The following NIPAL2 variants were observed in gnomAD, a reference collection of about 807,000 sequenced individuals.
The protein encoded by NIPAL2 is NIPA like domain containing 2, also known as NIPA-like protein 2.
NIPAL2 carries 43 observed loss-of-function variants against 48.9 expected under a neutral mutation model. The ratio of observed to expected loss-of-function variants is 0.88; its 90% CI spans 0.69 to 1.13. The LOEUF (loss-of-function observed/expected upper bound fraction) is 1.13, where lower values mean the gene tolerates loss of function less well. Ranked by LOEUF, NIPAL2 falls within the 50% of genes most tolerant of loss-of-function variation. NIPAL2 has a pLI of 0.00. For synonymous variants in NIPAL2, 167 were observed against 174.6 expected, an observed-to-expected ratio of 0.96 and a Z score of 0.34; for missense variants, 446 against 461.4, an observed-to-expected ratio of 0.97 and a Z score of 0.31.
rs568464494 is a variant in NIPAL2, at chr8:98,242,488, A to ATTTTTTTTTTTTTTT, written c.377-6289_377-6275dup. On this transcript the variant is annotated intron_variant, in intron 3 of 10. Coordinates refer to ENST00000430223, the MANE Select transcript of NIPAL2 (RefSeq NM_001321635.2). ...AGGCAAAAGCCACTGCACCTGACAG[A>ATTTTTTTTTTTTTTT]TTTTTTTTTTTTTTTTTTTAACTGA... Among the ~76,000 whole-genome samples the ATTTTTTTTTTTTTTT allele has an allele frequency of 2.2e-3, 258 of 117,758 alleles. 11 individuals carry two copies. Among genetic ancestry groups the ATTTTTTTTTTTTTTT allele is most frequent in the African/African-American group, 8.3e-3 (252 of 30,304 alleles). 77.3% of individuals were successfully genotyped at this position (117,758 alleles called of 152,430 possible).
At chr8:98,239,081 A>T (rs1812859237) in intron 3 of NIPAL2, among the ~76,000 whole-genome samples, 1 of 152,220 alleles carries the variant, frequency 6.6e-6, no homozygotes, top group South Asian at 2.1e-4. Flanking sequence ...AATGTGTTCC[A>T]TTATAACAAT....
intron 5 of NIPAL2, 106 bp downstream of exon 5, chr8:98,222,373 A>G (rs776293342): frequency 2.5e-6 from 3 of 1,185,204 alleles, no homozygotes; most frequent in Non-Finnish European, 3.5e-6. Context: ...AGATTTTAAT[A>G]AGATATTAGT....
rs956152645 is a variant in NIPAL2 at position 98,294,205 on chromosome 8, G to C, written c.-68C>G. 36 of 1,222,030 alleles carry C rather than the reference G, an allele frequency of 2.9e-5. No homozygotes were observed. Among genetic ancestry groups the C allele is most frequent in the Non-Finnish European group, 3.6e-5 (35 of 981,084 alleles). The allele number at this position is 1,222,030 out of a possible 1,614,324, so 75.7% of individuals were successfully genotyped here. On this transcript the variant is annotated 5_prime_UTR_variant, in exon 1 of 11. Coordinates refer to ENST00000430223, the MANE Select transcript of NIPAL2 (RefSeq NM_001321635.2). ...CCGCCTCCCCGCCCTGTTGCACCGC[G>C]AGGAGGCCGCGCCGCAGCCACTTCC... is the stretch of plus-strand genomic sequence containing the variant.
chr8:98,208,985 G>A (rs1586310802), intron 6 of NIPAL2, among the ~76,000 whole-genome samples: 1 of 152,132 alleles, frequency 6.6e-6, no homozygotes, highest in Non-Finnish European at 1.5e-5. Flanking sequence ...AGCACACAGT[G>A]CAGAGTGAGC....
intron 2 of NIPAL2, among the ~76,000 whole-genome samples, chr8:98,253,618 GA>G (rs969389357): frequency 6.6e-6 from 1 of 151,912 alleles, no homozygotes; most frequent in Non-Finnish European, 1.5e-5. Context: ...AAAGAAAGGG[GA>G]AAAAAACCCT....
intron 1 of NIPAL2, among the ~76,000 whole-genome samples, chr8:98,260,623 G>A (rs933744243): frequency 2.0e-5 from 3 of 152,156 alleles, no homozygotes; most frequent in African/African-American, 7.2e-5. Flanking sequence ...GGCTCGGAGG[G>A]TCCTACGCCC....
intron 1 of NIPAL2, among the ~76,000 whole-genome samples, chr8:98,261,218 T>C (rs372827477): frequency 4.6e-4 from 70 of 150,552 alleles, no homozygotes; most frequent in African/African-American, 1.7e-3. Context: ...AAAAGCAGAG[T>C]GCCTCTCCTC....
At chr8:98,239,430 T>A (rs991607859) in intron 3 of NIPAL2, among the ~76,000 whole-genome samples, 2 of 152,162 alleles carry the variant, frequency 1.3e-5, no homozygotes, top group African/African-American at 4.8e-5. Flanking sequence ...ATAAATACAT[T>A]TACTTTCAGA....
chr8:98,225,702 T>A (rs1460718238), intron 4 of NIPAL2, among the ~76,000 whole-genome samples: 2 of 152,154 alleles, frequency 1.3e-5, no homozygotes, highest in Non-Finnish European at 2.9e-5. Context: ...CTGCTCGGTG[T>A]TCTGTACATG....
At chr8:98,244,491 GGGTTGTGGTGATGAGCGGGTA>G (rs1813181834) in intron 3 of NIPAL2, among the ~76,000 whole-genome samples, 1 of 130,386 alleles carries the variant, frequency 7.7e-6, no homozygotes, top group East Asian at 2.4e-4. Flanking sequence ...ATGAGGGGGT[GGGTTGTGGTGATGAGCGGGTA>G]GGCTGTGATA....
At chr8:98,212,568 C>T in intron 5 of NIPAL2, 67 bp from the exon 6 acceptor site, 2 of 818,984 alleles carry the variant, frequency 2.4e-6, no homozygotes, top group Non-Finnish European at 4.0e-6. Context: ...TCACACTTCT[C>T]ATTTTGATTT....
intron 4 of NIPAL2, among the ~76,000 whole-genome samples, chr8:98,230,075 G>C (rs1340043879): frequency 1.3e-5 from 2 of 152,184 alleles, no homozygotes. Flanking sequence ...GGAGAGCTGG[G>C]ATTGGAACCT....
At chr8:98,209,903 C>CT (rs1439743865) in intron 6 of NIPAL2, among the ~76,000 whole-genome samples, 4 of 151,938 alleles carry the variant, frequency 2.6e-5, no homozygotes, top group African/African-American at 9.7e-5. Flanking sequence ...AGGCCTGGTT[C>CT]TTTTTTAGGA....
intron 1 of NIPAL2, among the ~76,000 whole-genome samples, chr8:98,266,992 A>G (rs962142461): frequency 1.3e-5 from 2 of 151,978 alleles, no homozygotes; most frequent in African/African-American, 4.8e-5. Context: ...AAAACTGCCA[A>G]CCTGTTGTTT....
In NIPAL2 at chr8:98,207,153, T is replaced by C. The variant is rs1421707439; in HGVS notation, c.656-1907A>G. Among the ~76,000 whole-genome samples, 5 of 152,342 alleles carry C rather than the reference T, an allele frequency of 3.3e-5. 1 individual carries two copies. The highest frequency in any genetic ancestry group is 3.4e-3 in the Middle Eastern group (1 of 294). On this transcript the variant is annotated intron_variant, in intron 6 of 10. Coordinates refer to ENST00000430223, the MANE Select transcript of NIPAL2 (RefSeq NM_001321635.2). ...CAATTAATGGAGAAGGAGTTGAACG[T>C]ACTGTTCCATTAGCCTCAGAACCTC...
intron 1 of NIPAL2, among the ~76,000 whole-genome samples, chr8:98,285,755 C>T (rs1377400320): frequency 1.3e-5 from 2 of 151,360 alleles, no homozygotes; most frequent in Non-Finnish European, 2.9e-5. Context: ...TAACTTGCAA[C>T]CTAAAGCCTC....
In NIPAL2 at chr8:98,246,420, A is replaced by T. The variant is rs73283783; in HGVS notation, c.376+6043T>A. ...TTTTCTCAGTGCAGTTAGCTCTCCAACCTTAATACAAATTAGCTCAGTAAC... is the reference window on the plus strand; with the variant it reads ...TTTTCTCAGTGCAGTTAGCTCTCCATCCTTAATACAAATTAGCTCAGTAAC... On this transcript the variant is annotated intron_variant, in intron 3 of 10. Transcript: ENST00000430223. Among the ~76,000 whole-genome samples, 893 of 152,314 alleles carry T rather than the reference A, an allele frequency of 5.9e-3. 8 individuals are homozygous for T. Among genetic ancestry groups the T allele is most frequent in the African/African-American group, 0.02 (827 of 41,564 alleles).
intron 5 of NIPAL2, among the ~76,000 whole-genome samples, chr8:98,213,969 A>G (rs146918335): frequency 6.6e-6 from 1 of 152,198 alleles, no homozygotes; most frequent in African/African-American, 2.4e-5. Flanking sequence ...TGCCTGGCAT[A>G]CAGTCGGTCA....
chr8:98,276,907 G>A (rs1182409393), intron 1 of NIPAL2, among the ~76,000 whole-genome samples: 2 of 151,952 alleles, frequency 1.3e-5, no homozygotes, highest in Non-Finnish European at 2.9e-5. Flanking sequence ...TGAGTAGCTG[G>A]AACTAGTGCA....
Sources: allele counts gnomAD v4.1 joint callset (sites outside exome capture counted in the v4.1 genomes callset), GRCh38; gene constraint gnomAD v4.1.1; transcripts MANE v1.5; gene names NCBI Gene and HGNC (gene_info 2026-07-23, HGNC 2026-07-21).